CHRM3: variants seen among roughly 807,000 people sequenced by gnomAD.
CHRM3 encodes muscarinic acetylcholine receptor M3.
CHRM3 carries 11 observed loss-of-function variants against 41.8 expected under a neutral mutation model. The ratio of observed to expected loss-of-function variants is 0.26; its 90% CI spans 0.17 to 0.44. The LOEUF (loss-of-function observed/expected upper bound fraction) is 0.44. CHRM3 is among the 20% of genes least tolerant of loss of function. CHRM3 has a pLI of 1.00. For synonymous variants in CHRM3, 297 were observed against 301.4 expected, an observed-to-expected ratio of 0.99 and a Z score of 0.15; for missense variants, 571 against 745.4, an observed-to-expected ratio of 0.77 and a Z score of 2.72.
Position 239,910,526 on chromosome 1 carries a change from T to C in CHRM3, c.*1302T>C, listed in dbSNP as rs1680303850. The C allele has an allele frequency of 6.0e-6, 1 of 166,756 alleles. No homozygotes were observed. The highest frequency in any genetic ancestry group is 1.5e-5 in the Non-Finnish European group (1 of 68,074). 10.3% of individuals were successfully genotyped at this position (166,756 alleles called of 1,614,324 possible). ...AGGTTTTAGGAAGTTACATGTCCTC[T>C]GAAGAAAGAATTACACTCTGAAAAG... On this transcript the variant is annotated 3_prime_UTR_variant, in exon 7 of 7. Coordinates refer to ENST00000676153, the MANE Select transcript of CHRM3 (RefSeq NM_001375978.1).
At position 239,571,137 on chromosome 1, in the gene CHRM3, A is replaced by C. The variant is rs576768149; in HGVS notation, c.-313+25388A>C. Among the ~76,000 whole-genome samples the C allele has an allele frequency of 1.6e-4, 24 of 152,272 alleles. No homozygotes were observed. In the East Asian group the frequency reaches 3.5e-3, roughly 22 times the overall value. On this transcript the variant is annotated intron_variant, in intron 3 of 6. Transcript: ENST00000676153. ...ACCCGAATCTACCCAGAGAAATGAC[A>C]TCATAATAATGGAGATTAAGTGGCT...
At chr1:239,558,326 T>C (rs1660557584) in intron 3 of CHRM3, among the ~76,000 whole-genome samples, 1 of 152,230 alleles carries the variant, frequency 6.6e-6, no homozygotes, top group Non-Finnish European at 1.5e-5. Flanking sequence ...TTTAATGGGA[T>C]TGCTTTTTGT....
At chr1:239,442,359 A>G (rs9970229) in intron 1 of CHRM3, among the ~76,000 whole-genome samples, 6,791 of 152,144 alleles carry the variant, frequency 0.045, 488 homozygotes, top group African/African-American at 0.15. Flanking sequence ...CACCCGTCTC[A>G]GCCTCCCAAA....
chr1:239,423,983 AG>A (rs1232368873), intron 1 of CHRM3, among the ~76,000 whole-genome samples: 1 of 144,770 alleles, frequency 6.9e-6, no homozygotes, highest in East Asian at 2.1e-4. Context: ...TGAACCCAGG[AG>A]GTGGAGCTTG....
chr1:239,622,639 A>C (rs1432461972), intron 3 of CHRM3, among the ~76,000 whole-genome samples: 2 of 152,200 alleles, frequency 1.3e-5, no homozygotes, highest in Non-Finnish European at 2.9e-5. Flanking sequence ...ATTTGCTGCT[A>C]TCTCATGATA....
intron 1 of CHRM3, among the ~76,000 whole-genome samples, chr1:239,456,494 C>T (rs1030146303): frequency 6.6e-6 from 1 of 152,162 alleles, no homozygotes; most frequent in South Asian, 2.1e-4. Context: ...GTGTAGTAGG[C>T]TACACCGTCT....
At chr1:239,642,704 G>A (rs918879686) in intron 4 of CHRM3, among the ~76,000 whole-genome samples, 11 of 152,052 alleles carry the variant, frequency 7.2e-5, no homozygotes, top group Non-Finnish European at 1.6e-4. Context: ...CTTTGCCTTT[G>A]GTTTGAATTT....
chr1:239,563,639 A>G (rs564170722), intron 3 of CHRM3, among the ~76,000 whole-genome samples: 3 of 152,172 alleles, frequency 2.0e-5, no homozygotes, highest in Non-Finnish European at 2.9e-5. Flanking sequence ...CAAAATTTCA[A>G]TGGAAAAGTT....
intron 5 of CHRM3, among the ~76,000 whole-genome samples, chr1:239,819,984 G>A (rs897025988): frequency 3.9e-5 from 6 of 152,082 alleles, no homozygotes; most frequent in Admixed American, 6.5e-5. Flanking sequence ...TGTGCTCACT[G>A]GGCAGTGAGA....
chr1:239,683,897 A>G (rs369084786), intron 5 of CHRM3, among the ~76,000 whole-genome samples: 2 of 152,312 alleles, frequency 1.3e-5, no homozygotes, highest in East Asian at 3.9e-4. Context: ...TTAGAAAAAA[A>G]AAAGATGGTC....
rs890429727 is a variant in CHRM3 at position 239,691,833 on chromosome 1, C to A, written c.-147+13545C>A. 2.0e-5 allele frequency among the ~76,000 whole-genome samples: 3 copies of A among 152,270 alleles called. No individual in the cohort carries two copies. In the Middle Eastern group the frequency reaches 0.01, roughly 521 times the overall value. On this transcript the variant is annotated intron_variant, in intron 5 of 6. Coordinates refer to ENST00000676153, the MANE Select transcript of CHRM3 (RefSeq NM_001375978.1). Reference sequence around the variant, plus strand: ...ATGTCTGCTTTAGACTCAAGGCTTACAAGCTCCAAAGGACACACCATTTGA... The same window carrying A: ...ATGTCTGCTTTAGACTCAAGGCTTAAAAGCTCCAAAGGACACACCATTTGA...
chr1:239,562,319 A>G (rs1244348620), intron 3 of CHRM3, among the ~76,000 whole-genome samples: 1 of 152,122 alleles, frequency 6.6e-6, no homozygotes, highest in African/African-American at 2.4e-5. Flanking sequence ...CAACTTTACA[A>G]AATGGATAAG....
chr1:239,566,435 G>A (rs1661369632), intron 3 of CHRM3, among the ~76,000 whole-genome samples: 1 of 152,096 alleles, frequency 6.6e-6, no homozygotes, highest in Admixed American at 6.5e-5. Flanking sequence ...TCCTTAAGTG[G>A]CAGCAATTAT....
intron 4 of CHRM3, among the ~76,000 whole-genome samples, chr1:239,663,622 A>G (rs1167629214): frequency 6.6e-6 from 1 of 152,236 alleles, no homozygotes; most frequent in African/African-American, 2.4e-5. Context: ...TTAGGTTTCC[A>G]AATAAAATAA....
At position 239,387,669 on chromosome 1, in the gene CHRM3, T is replaced by G. The variant is rs1017268318; in HGVS notation, c.-521+442T>G. Among the ~76,000 whole-genome samples the G allele has an allele frequency of 3.3e-5, 5 of 152,108 alleles. No individual in the cohort carries two copies. Among genetic ancestry groups the G allele is most frequent in the African/African-American group, 4.8e-5 (2 of 41,432 alleles). Reference sequence around the variant, plus strand: ...CCGGGTGTGTTTGTGAGCGCACTCGTGTGTTGAGCGTTTGTCTCCCATCTC... The same window carrying G: ...CCGGGTGTGTTTGTGAGCGCACTCGGGTGTTGAGCGTTTGTCTCCCATCTC... On this transcript the variant is annotated intron_variant, in intron 1 of 6. Coordinates refer to ENST00000676153, the MANE Select transcript of CHRM3 (RefSeq NM_001375978.1). The surrounding 1 kb of genome is among the most constrained non-coding windows in gnomAD (Gnocchi z 5.1).
intron 1 of CHRM3, among the ~76,000 whole-genome samples, chr1:239,413,999 C>T (rs1661308589): frequency 6.6e-6 from 1 of 152,018 alleles, no homozygotes; most frequent in South Asian, 2.1e-4. Flanking sequence ...GAAGAGAAAC[C>T]AGGGTTCCTG....
At chr1:239,711,390 T>A (rs943387126) in intron 5 of CHRM3, among the ~76,000 whole-genome samples, 1 of 152,084 alleles carries the variant, frequency 6.6e-6, no homozygotes, top group Non-Finnish European at 1.5e-5. Context: ...CCTCTTTCCA[T>A]GTGGTTCAAT....
intron 1 of CHRM3, among the ~76,000 whole-genome samples, chr1:239,410,598 T>G (rs932637041): frequency 6.6e-6 from 1 of 152,208 alleles, no homozygotes; most frequent in Non-Finnish European, 1.5e-5. Context: ...TCTCACGGTC[T>G]GTCACATCTC....
At chr1:239,806,740 G>T (rs1041547382) in intron 5 of CHRM3, among the ~76,000 whole-genome samples, 1 of 152,178 alleles carries the variant, frequency 6.6e-6, no homozygotes, top group Non-Finnish European at 1.5e-5. Context: ...TTCTAAAAAA[G>T]AGGTACATTT....
Sources: allele counts gnomAD v4.1 joint callset (sites outside exome capture counted in the v4.1 genomes callset), GRCh38; gene constraint gnomAD v4.1.1; non-coding constraint Gnocchi (gnomAD v3.1); transcripts MANE v1.5; gene names NCBI Gene and HGNC (gene_info 2026-07-23, HGNC 2026-07-21).